JAM3: variants seen among roughly 807,000 people sequenced by gnomAD.
JAM3 encodes junctional adhesion molecule 3.
Under a neutral mutation model 39.4 loss-of-function variants are expected in JAM3, and 31 were observed. The ratio of observed to expected loss-of-function variants is 0.79; its 90% confidence interval spans 0.59 to 1.06. The LOEUF (loss-of-function observed/expected upper bound fraction) is 1.06, where lower values mean the gene tolerates loss of function less well. Among genes scored for constraint, JAM3 ranks in the 50% least tolerant of loss-of-function variants. JAM3 has a pLI of 0.00. For synonymous variants in JAM3, 182 were observed against 148.7 expected, an observed-to-expected ratio of 1.22 and a Z score of -1.63; for missense variants, 455 against 391.4, an observed-to-expected ratio of 1.16 and a Z score of -1.37.
intron 3 of JAM3, among the ~76,000 whole-genome samples, chr11:134,143,945 C>T (rs777992414): frequency 8.6e-5 from 13 of 152,038 alleles, no homozygotes; most frequent in Non-Finnish European, 1.8e-4. Context: ...TATTCATGGG[C>T]GGTCCTTCCT....
intron 1 of JAM3, among the ~76,000 whole-genome samples, chr11:134,091,527 T>C (rs950349073): frequency 2.0e-5 from 3 of 150,854 alleles, no homozygotes; most frequent in Non-Finnish European, 2.9e-5. Flanking sequence ...GATGGATAGA[T>C]AGATAGATAG....
At chr11:134,079,397 A>T (rs971159047) in intron 1 of JAM3, among the ~76,000 whole-genome samples, 1 of 152,184 alleles carries the variant, frequency 6.6e-6, no homozygotes, top group African/African-American at 2.4e-5. Flanking sequence ...TTCCAGCTGA[A>T]ATCTGGATTC....
intron 1 of JAM3, among the ~76,000 whole-genome samples, chr11:134,099,496 T>C (rs531082405): frequency 1.6e-4 from 24 of 152,254 alleles, no homozygotes; most frequent in Non-Finnish European, 3.1e-4. Flanking sequence ...AAGACAGTAT[T>C]TGTCATCTGT....
chr11:134,119,018 GA>G (rs1942487784), intron 1 of JAM3, among the ~76,000 whole-genome samples: 1 of 149,888 alleles, frequency 6.7e-6, no homozygotes, highest in South Asian at 2.1e-4. Context: ...GCTCAGGCTG[GA>G]ATGCAGTGGC....
At chr11:134,083,253 C>A (rs895648417) in intron 1 of JAM3, among the ~76,000 whole-genome samples, 4 of 152,190 alleles carry the variant, frequency 2.6e-5, no homozygotes, top group Admixed American at 2.0e-4. Flanking sequence ...ATTCCTCTGT[C>A]ATCTACCTCC....
intron 1 of JAM3, among the ~76,000 whole-genome samples, chr11:134,116,532 G>A (rs929655237): frequency 6.6e-6 from 1 of 152,100 alleles, no homozygotes; most frequent in Non-Finnish European, 1.5e-5. Flanking sequence ...GCTCTTTCAG[G>A]TGGCTGGGAT....
chr11:134,124,718 T>A (rs1942609279), intron 1 of JAM3, among the ~76,000 whole-genome samples: 7 of 148,504 alleles, frequency 4.7e-5, no homozygotes, highest in Admixed American at 4.7e-4. Flanking sequence ...TGCTTGCAAT[T>A]AAAAAAAAAA....
In JAM3 at chr11:134,124,652, T is replaced by G. The variant is rs567467395; in HGVS notation, c.77-15199T>G. Among the ~76,000 whole-genome samples, 31 of 152,252 alleles carry G rather than the reference T, an allele frequency of 2.0e-4. No homozygotes were observed. The South Asian group carries it at 6.4e-3, about 32-fold the overall frequency. On this transcript the variant is annotated intron_variant, in intron 1 of 8. Coordinates refer to ENST00000299106, the MANE Select transcript of JAM3 (RefSeq NM_032801.5). ...TAGTGAGGCAAGTTAAAAGTGTAGG[T>G]CGCTTTCCACTTGTTTCCTTGATGC... is the stretch of plus-strand genomic sequence containing the variant.
At chr11:134,124,048 C>G in intron 1 of JAM3, 1 of 1,442,362 alleles carries the variant, frequency 6.9e-7, no homozygotes, top group Non-Finnish European at 9.7e-7. Flanking sequence ...ACACAGCCAC[C>G]TGGCTCTTCA....
intron 1 of JAM3, among the ~76,000 whole-genome samples, chr11:134,092,923 A>G (rs1388489975): frequency 1.4e-5 from 2 of 146,460 alleles, no homozygotes; most frequent in African/African-American, 5.1e-5. Context: ...TCCACCTTAC[A>G]TCTTATTCAT....
intron 1 of JAM3, among the ~76,000 whole-genome samples, chr11:134,111,804 C>G (rs1245150966): frequency 6.6e-6 from 1 of 152,134 alleles, no homozygotes; most frequent in Non-Finnish European, 1.5e-5. Flanking sequence ...TAATGCCTCT[C>G]AATTAACAAA....
chr11:134,148,873 T>C, intron 8 of JAM3, 55 bp downstream of exon 8: 1 of 1,576,118 alleles, frequency 6.3e-7, no homozygotes, highest in Non-Finnish European at 8.7e-7. Context: ...AAAACAACAT[T>C]CCCCCTTGGA....
chr11:134,123,877 G>T, intron 1 of JAM3: 1 of 874,960 alleles, frequency 1.1e-6, no homozygotes, highest in Non-Finnish European at 2.0e-6. Context: ...CACATCTTAG[G>T]TCAGTATTTC....
In JAM3 at chr11:134,144,338, T is replaced by G; in HGVS notation, c.354T>G (p.Val118=). ...CAGCCCTTTATCGCTGTGAGGTCGT[T>G]GCTCGAAATGACCGCAAGGAAATTG... The part of the protein sequence containing the change: ...RDSALYRCEV[V]ARNDRKEIDE... The change falls in exon 4 of 9, where the codon GTT becomes GTG. Residue 118 remains valine, a synonymous_variant. Transcript: ENST00000299106. 1 of 1,614,236 alleles carries G rather than the reference T, an allele frequency of 6.2e-7. No homozygotes were observed. The highest frequency in any genetic ancestry group is 1.7e-5 in the Admixed American group (1 of 60,024).
intron 1 of JAM3, among the ~76,000 whole-genome samples, chr11:134,119,711 C>G (rs1266308909): frequency 6.6e-6 from 1 of 152,148 alleles, no homozygotes; most frequent in Non-Finnish European, 1.5e-5. Flanking sequence ...GGCCCGCCCT[C>G]ATTATGGAGG....
chr11:134,148,994 A>ACACT (rs1270455448), intron 8 of JAM3, 152 bp from the exon 9 acceptor site: 2 of 985,948 alleles, frequency 2.0e-6, no homozygotes, highest in Non-Finnish European at 3.2e-6. Context: ...ACACACACAC[A>ACACT]CTAATGGGAT....
At chr11:134,134,991 A>AT (rs927139638) in intron 1 of JAM3, among the ~76,000 whole-genome samples, 7 of 151,556 alleles carry the variant, frequency 4.6e-5, no homozygotes, top group East Asian at 1.9e-4. Context: ...TGATGTTTAA[A>AT]TTTTTTTTGA....
At chr11:134,116,156 G>T (rs1212573497) in intron 1 of JAM3, among the ~76,000 whole-genome samples, 1 of 152,142 alleles carries the variant, frequency 6.6e-6, no homozygotes, top group Non-Finnish European at 1.5e-5. Flanking sequence ...AGGAGAATCA[G>T]ATAATTTGTG....
chr11:134,120,416 G>T (rs867583560), intron 1 of JAM3, among the ~76,000 whole-genome samples: 1 of 152,238 alleles, frequency 6.6e-6, no homozygotes, highest in African/African-American at 2.4e-5. Flanking sequence ...CAACACATCA[G>T]ATTCAGAGTG....
Sources: gnomAD v4.1 joint callset for allele counts (sites outside exome capture counted in the v4.1 genomes callset) on GRCh38, gnomAD v4.1.1 for gene constraint, MANE v1.5 for transcripts, NCBI Gene and HGNC (gene_info 2026-07-23, HGNC 2026-07-21) for gene names.